FAM83F: variants seen among roughly 807,000 people sequenced by gnomAD.
FAM83F encodes the protein scaffolding CK1 anchoring protein F, also known as protein FAM83F.
Under a neutral mutation model 42.9 loss-of-function variants are expected in FAM83F, and 45 were observed. That is an observed-to-expected ratio of 1.05 (90% CI 0.83 to 1.35). The LOEUF (loss-of-function observed/expected upper bound fraction) is 1.35. Among genes scored for constraint, FAM83F ranks in the 40% most tolerant of loss-of-function variants. The pLI, the probability that FAM83F is intolerant of heterozygous loss-of-function variation, is 0.00. For missense variants in FAM83F, 617 were observed against 695.9 expected, an observed-to-expected ratio of 0.89 and a Z score of 1.28; for synonymous variants, 306 against 298.3, an observed-to-expected ratio of 1.03 and a Z score of -0.27.
Position 40,023,634 on chromosome 22 carries a change from C to G in FAM83F, c.1453+1671C>G, listed in dbSNP as rs764312665. On this transcript the variant is annotated intron_variant, in intron 4 of 4. Transcript: ENST00000333407. The surrounding 1 kb of genome is among the most constrained non-coding windows in gnomAD (Gnocchi z 4.1). ...TCTGCGTGTCCCTCCACATCCATGT[C>G]CCTGCTCCCACATCTCGGGTGGTCA... Among the ~76,000 whole-genome samples, 4 of 152,158 alleles carry G rather than the reference C, an allele frequency of 2.6e-5. No homozygotes were observed. The highest frequency in any genetic ancestry group is 2.1e-4 in the South Asian group (1 of 4,828).
intron 3 of FAM83F, among the ~76,000 whole-genome samples, chr22:40,020,848 A>T (rs1257741469): frequency 2.0e-5 from 3 of 152,244 alleles, no homozygotes; most frequent in Non-Finnish European, 2.9e-5. Context: ...TAAAAAAATC[A>T]GAAAAGAACC....
At chr22:40,002,639 C>T (rs772188845) in intron 1 of FAM83F, among the ~76,000 whole-genome samples, 7 of 152,188 alleles carry the variant, frequency 4.6e-5, no homozygotes, top group Non-Finnish European at 1.0e-4. Context: ...TCTTTCCTAG[C>T]TCACTGGGTG....
chr22:40,003,543 C>T (rs2067412251), intron 1 of FAM83F, among the ~76,000 whole-genome samples: 1 of 136,638 alleles, frequency 7.3e-6, no homozygotes, highest in Non-Finnish European at 1.6e-5. Flanking sequence ...CTGCCCCCTG[C>T]TCAGGGGGGG....
chr22:40,028,126 G>A (rs751700047), intron 4 of FAM83F, among the ~76,000 whole-genome samples: 24 of 152,262 alleles, frequency 1.6e-4, no homozygotes, highest in Admixed American at 2.6e-4. Context: ...GACCCCCAGC[G>A]CCTTGGCCAT....
Position 40,037,019 on chromosome 22 carries a change from G to A in FAM83F, c.*7454G>A, listed in dbSNP as rs1201168355. ...TGGCCATGTTCCAGTGAAACCTTAT[G>A]AATACTGAAATCTGAATCCATAATT... is the stretch of plus-strand genomic sequence containing the variant. On this transcript the variant is annotated 3_prime_UTR_variant, in exon 5 of 5. Coordinates refer to ENST00000333407, the MANE Select transcript of FAM83F (RefSeq NM_138435.4). The A allele has an allele frequency of 6.6e-6, 1 of 152,216 alleles. No homozygotes were observed. Among genetic ancestry groups the A allele is most frequent in the Non-Finnish European group, 1.5e-5 (1 of 68,070 alleles). The allele number at this position is 152,216 out of a possible 1,614,324, so 9.4% of individuals were successfully genotyped here. A position where few individuals can be genotyped will look rare whatever the true frequency, so the allele number is the denominator to read the frequency against.
At position 40,037,867 on chromosome 22, in the gene FAM83F, A is replaced by T; in HGVS notation, c.*8302A>T. 1.3e-5 allele frequency: 2 copies of T among 151,306 alleles called. No individual in the cohort carries two copies. The allele number at this position is 151,306 out of a possible 1,614,324, so 9.4% of individuals were successfully genotyped here. On this transcript the variant is annotated 3_prime_UTR_variant, in exon 5 of 5. Coordinates refer to ENST00000333407, the MANE Select transcript of FAM83F (RefSeq NM_138435.4). ...CAAGTAGCTGGGACTACAGGCATGC[A>T]CCACCCTGCCCAGCTAATTAAAAAA...
At chr22:40,006,927 C>T (rs1412947391) in intron 1 of FAM83F, among the ~76,000 whole-genome samples, 1 of 152,190 alleles carries the variant, frequency 6.6e-6, no homozygotes, top group Non-Finnish European at 1.5e-5. Context: ...AAGGGCAGAG[C>T]TCAGCCAGCT....
At chr22:40,009,137 G>C (rs1242262330) in intron 1 of FAM83F, among the ~76,000 whole-genome samples, 18 of 152,190 alleles carry the variant, frequency 1.2e-4, no homozygotes, top group Admixed American at 1.2e-3. Flanking sequence ...AACAGCCCTT[G>C]GGAGGCAGGC....
chr22:40,029,250 C>T (rs1035596400), intron 4 of FAM83F, among the ~76,000 whole-genome samples: 1 of 152,110 alleles, frequency 6.6e-6, no homozygotes, highest in Non-Finnish European at 1.5e-5. Flanking sequence ...GATCCTTCCC[C>T]GACCCCTCTT....
chr22:40,023,507 G>A lies in FAM83F; in HGVS notation c.1453+1544G>A, dbSNP rs1454306604. ...CAGCAAGGACTATTTCCCGAGTCCT[G>A]ACTGAAGTGGAGTGGAAGCTTTCTC... On this transcript the variant is annotated intron_variant, in intron 4 of 4. Transcript: ENST00000333407. The surrounding 1 kb of genome is among the most constrained non-coding windows in gnomAD (Gnocchi z 4.1). Among the ~76,000 whole-genome samples, 1 of 152,170 alleles carries A rather than the reference G, an allele frequency of 6.6e-6. No individual in the cohort carries two copies.
chr22:40,013,456 T>G (rs2067477836), intron 1 of FAM83F, among the ~76,000 whole-genome samples: 2 of 152,228 alleles, frequency 1.3e-5, no homozygotes, highest in South Asian at 4.1e-4. Context: ...TGTGTTTGTG[T>G]GTATACTTTA....
At position 39,995,319 on chromosome 22, in the gene FAM83F, G is replaced by T. The variant is rs1025107041; in HGVS notation, c.277G>T (p.Ala93Ser). The T allele has an allele frequency of 1.3e-6, 2 of 1,538,600 alleles. No individual in the cohort carries two copies. Among genetic ancestry groups the T allele is most frequent in the Non-Finnish European group, 8.7e-7 (1 of 1,145,866 alleles). Residue 93 changes from alanine (A) to serine (S), a missense_variant, in exon 1 of 5, where the codon GCC (alanine) becomes TCC (serine). Ala to Ser is a moderately conservative substitution (Grantham distance 99). Coordinates refer to ENST00000333407, the MANE Select transcript of FAM83F (RefSeq NM_138435.4). This position sits in a 1 kb window ranked among gnomAD's most constrained non-coding sequence, Gnocchi z 4.6. The part of the protein sequence containing the change: ...ARGKSKAKAK[A>S]PAPAPAESGE... Reference sequence around the variant, plus strand: ...GGGCAAGAGCAAGGCCAAGGCCAAGGCCCCCGCGCCGGCGCCGGCTGAGTC... The same window carrying T: ...GGGCAAGAGCAAGGCCAAGGCCAAGTCCCCCGCGCCGGCGCCGGCTGAGTC...
intron 1 of FAM83F, among the ~76,000 whole-genome samples, chr22:40,006,153 T>C (rs1033136298): frequency 6.6e-6 from 1 of 151,868 alleles, no homozygotes; most frequent in Non-Finnish European, 1.5e-5. Flanking sequence ...GGCAGGAAAA[T>C]TGCTTGAGCC....
rs560905814 is a variant in FAM83F, at chr22:40,034,260, C to T, written c.*4695C>T. The stretch of plus-strand genomic sequence containing the variant: ...CACTCCTGCCTCCCTGCCCAAAGGA[C>T]GTAGTGGCTGCTGCTGATCGTCTGC... On this transcript the variant is annotated 3_prime_UTR_variant, in exon 5 of 5. Coordinates refer to ENST00000333407, the MANE Select transcript of FAM83F (RefSeq NM_138435.4). 5.2e-5 allele frequency: 8 copies of T among 152,420 alleles called. No individual in the cohort carries two copies. Among genetic ancestry groups the T allele is most frequent in the African/African-American group, 1.4e-4 (6 of 41,582 alleles). 9.4% of individuals were successfully genotyped at this position (152,420 alleles called of 1,614,324 possible).
chr22:40,026,789 A>C (rs1431351718), intron 4 of FAM83F, among the ~76,000 whole-genome samples: 1 of 151,988 alleles, frequency 6.6e-6, no homozygotes, highest in African/African-American at 2.4e-5. Flanking sequence ...CCTGGCTGGC[A>C]GTGTGGTCTG....
intron 4 of FAM83F, among the ~76,000 whole-genome samples, chr22:40,027,075 A>G (rs530444589): frequency 6.6e-6 from 1 of 152,246 alleles, no homozygotes; most frequent in Admixed American, 6.5e-5. Flanking sequence ...CAGAATGAAC[A>G]TGGTCCTTGC....
intron 4 of FAM83F, among the ~76,000 whole-genome samples, chr22:40,025,222 C>G (rs775912076): frequency 2.6e-4 from 39 of 152,104 alleles, no homozygotes; most frequent in Non-Finnish European, 5.6e-4. Flanking sequence ...GAGTTCCAGA[C>G]TAGCCTGGGC....
At chr22:40,007,430 C>T (rs2145711694) in intron 1 of FAM83F, among the ~76,000 whole-genome samples, 1 of 2,518 alleles carries the variant, frequency 4.0e-4, no homozygotes, top group African/African-American at 2.2e-3. Context: ...TCCTCCTCTC[C>T]TCTCCTCCTC....
chr22:40,014,269 G>T (rs553040696), intron 1 of FAM83F, among the ~76,000 whole-genome samples: 1 of 151,240 alleles, frequency 6.6e-6, no homozygotes, highest in African/African-American at 2.4e-5. Context: ...TAAGTAAAAT[G>T]TTTCATGTGG....
Sources: allele counts gnomAD v4.1 joint callset (sites outside exome capture counted in the v4.1 genomes callset), GRCh38; gene constraint gnomAD v4.1.1; non-coding constraint Gnocchi (gnomAD v3.1); transcripts MANE v1.5; gene names NCBI Gene and HGNC (gene_info 2026-07-23, HGNC 2026-07-21).